The following PTPRG variants were observed in gnomAD, a reference collection of about 807,000 sequenced individuals.
PTPRG encodes protein tyrosine phosphatase receptor type G, also known as receptor-type tyrosine-protein phosphatase gamma.
Under a neutral mutation model 165.3 loss-of-function variants are expected in PTPRG, and 102 were observed. The observed-to-expected ratio is 0.62, with a 90% CI of 0.53 to 0.73. PTPRG has a LOEUF of 0.73. PTPRG is among the 30% of genes least tolerant of loss of function. The probability of loss-of-function intolerance (pLI) is 0.00; values close to 1 mark genes in which losing one functional copy is unlikely to be tolerated. For synonymous variants in PTPRG, 675 were observed against 669.5 expected (o/e 1.01, Z -0.13); for missense variants, 1,866 against 1,861.4 (o/e 1.00, Z -0.05).
At chr3:62,076,239 A>C (rs1020067805) in intron 4 of PTPRG, among the ~76,000 whole-genome samples, 29 of 152,084 alleles carry the variant, frequency 1.9e-4, no homozygotes, top group African/African-American at 6.8e-4. Context: ...GTGAGCCATG[A>C]TCATGCCATT....
In PTPRG at chr3:61,716,257, G is replaced by A. The variant is rs75478202; in HGVS notation, c.86-32621G>A. 4.4e-3 allele frequency among the ~76,000 whole-genome samples: 665 copies of A among 152,222 alleles called. 6 individuals are homozygous for A. Among genetic ancestry groups the A allele is most frequent in the African/African-American group, 0.015 (631 of 41,526 alleles). On this transcript the variant is annotated intron_variant, in intron 1 of 29. Coordinates refer to ENST00000474889, the MANE Select transcript of PTPRG (RefSeq NM_002841.4). ...GTTTCTTCCTCTGAAGTGCTATTTT[G>A]TGGTAATTTAATGTATTTTTTTCAT...
chr3:61,882,156 G>A (rs1221729554), intron 2 of PTPRG, among the ~76,000 whole-genome samples: 1 of 152,178 alleles, frequency 6.6e-6, no homozygotes, highest in Non-Finnish European at 1.5e-5. Context: ...CTTTCTGAAT[G>A]GGAAAATCAC....
chr3:61,764,955 C>T (rs1420245502), intron 2 of PTPRG, among the ~76,000 whole-genome samples: 1 of 152,158 alleles, frequency 6.6e-6, no homozygotes, highest in Non-Finnish European at 1.5e-5. Context: ...CTACAATGTA[C>T]AGAACAGCCC....
At chr3:62,098,848 T>C (rs1042921241) in intron 5 of PTPRG, among the ~76,000 whole-genome samples, 5 of 152,168 alleles carry the variant, frequency 3.3e-5, no homozygotes, top group African/African-American at 9.7e-5. Context: ...TGTTAACAGA[T>C]GGTAGAACTG....
At chr3:62,253,300 C>T (rs1038136484) in intron 15 of PTPRG, among the ~76,000 whole-genome samples, 18 of 152,078 alleles carry the variant, frequency 1.2e-4, no homozygotes, top group Non-Finnish European at 2.2e-4. Flanking sequence ...CTATCATTGT[C>T]GTATAAATGT....
At chr3:62,038,346 G>C (rs971957626) in intron 4 of PTPRG, among the ~76,000 whole-genome samples, 5 of 152,130 alleles carry the variant, frequency 3.3e-5, no homozygotes. Context: ...CAGAGCATTC[G>C]ATTAAGCATA....
chr3:61,788,707 A>G (rs1355799401), intron 2 of PTPRG, among the ~76,000 whole-genome samples: 1 of 152,248 alleles, frequency 6.6e-6, no homozygotes, highest in Admixed American at 6.5e-5. Context: ...AAAGAGACAC[A>G]TGGTTAATAT....
rs147345951 is a variant in PTPRG, at chr3:62,203,903, G to T, written c.2108G>T (p.Arg703Leu). 4 of 1,602,522 alleles carry T rather than the reference G, an allele frequency of 2.5e-6. No individual in the cohort carries two copies. In the African/African-American group the frequency reaches 4.0e-5, roughly 16 times the overall value. The change falls in exon 12 of 30, where the codon CGC becomes CTC. Residue 703 changes from arginine (R) to leucine (L), a missense_variant. By Grantham distance (102) the Arg-to-Leu change is moderately radical (BLOSUM62 -2). Coordinates refer to ENST00000474889, the MANE Select transcript of PTPRG (RefSeq NM_002841.4). This position sits in a 1 kb window ranked among gnomAD's most constrained non-coding sequence, Gnocchi z 6.4. ...PEMPSKKPMS[R>L]GDRFSEDSRF... ...ATGCCATCTAAAAAGCCTATGTCCC[G>T]CGGGGACCGATTTTCTGAAGACAGC...
intron 1 of PTPRG, among the ~76,000 whole-genome samples, chr3:61,713,204 A>T (rs2031650351): frequency 6.7e-6 from 1 of 150,206 alleles, no homozygotes; most frequent in Non-Finnish European, 1.5e-5. Context: ...CTCTGTTACC[A>T]GGCTGGAGTG....
At chr3:61,621,606 C>T (rs1427209401) in intron 1 of PTPRG, among the ~76,000 whole-genome samples, 2 of 152,162 alleles carry the variant, frequency 1.3e-5, no homozygotes, top group Non-Finnish European at 2.9e-5. Flanking sequence ...TCTTTCTGTT[C>T]TTCCTTTATT....
At chr3:61,701,226 G>T (rs1392611787) in intron 1 of PTPRG, among the ~76,000 whole-genome samples, 3 of 152,154 alleles carry the variant, frequency 2.0e-5, no homozygotes, top group Non-Finnish European at 2.9e-5. Context: ...ATTCTTTGGG[G>T]ACTGTGTTTC....
At chr3:62,150,027 G>T (rs1402938100) in intron 6 of PTPRG, among the ~76,000 whole-genome samples, 1 of 152,174 alleles carries the variant, frequency 6.6e-6, no homozygotes, top group African/African-American at 2.4e-5. Context: ...ATGTAGCTCA[G>T]TTCCTCACTG....
chr3:61,663,538 A>G (rs544215158), intron 1 of PTPRG, among the ~76,000 whole-genome samples: 79 of 152,000 alleles, frequency 5.2e-4, no homozygotes, highest in Non-Finnish European at 9.7e-4. Context: ...GTGGAAGACA[A>G]TTTTTCCATG....
chr3:61,896,993 G>A (rs1575763354), intron 2 of PTPRG, among the ~76,000 whole-genome samples: 1 of 151,020 alleles, frequency 6.6e-6, no homozygotes, highest in East Asian at 2.0e-4. Context: ...TTGAATTTGT[G>A]GTGTGCAAGT....
At chr3:61,779,497 A>G (rs1353300757) in intron 2 of PTPRG, among the ~76,000 whole-genome samples, 13 of 152,114 alleles carry the variant, frequency 8.5e-5, no homozygotes, top group East Asian at 1.9e-4. Context: ...TAGGGCTAAA[A>G]TATCTCCCTA....
chr3:62,236,662 G>T (rs932690987), intron 14 of PTPRG, among the ~76,000 whole-genome samples: 1 of 152,176 alleles, frequency 6.6e-6, no homozygotes, highest in Non-Finnish European at 1.5e-5. Context: ...ACCCTGATGT[G>T]ATTATAGAAC....
chr3:61,825,932 TGC>T (rs1262914745), intron 2 of PTPRG, among the ~76,000 whole-genome samples: 7 of 72,596 alleles, frequency 9.6e-5, no homozygotes, highest in African/African-American at 3.1e-4. Context: ...ATTACAGGCG[TGC>T]GTGAGCCACC....
chr3:61,972,341 G>A (rs749202314), intron 2 of PTPRG, among the ~76,000 whole-genome samples: 1 of 152,206 alleles, frequency 6.6e-6, no homozygotes, highest in Non-Finnish European at 1.5e-5. Flanking sequence ...CAGATGTGTA[G>A]GGCCTTATAG....
intron 1 of PTPRG, among the ~76,000 whole-genome samples, chr3:61,660,507 C>T (rs1481737959): frequency 6.6e-6 from 1 of 152,152 alleles, no homozygotes; most frequent in East Asian, 1.9e-4. Context: ...GGTTTGAGCC[C>T]CCTCTCGCCT....
Sources: gnomAD v4.1 joint callset for allele counts (sites outside exome capture counted in the v4.1 genomes callset) on GRCh38, gnomAD v4.1.1 for gene constraint, Gnocchi (gnomAD v3.1) non-coding constraint, MANE v1.5 for transcripts, NCBI Gene and HGNC (gene_info 2026-07-23, HGNC 2026-07-21) for gene names.